The following EPHA4 variants were observed in gnomAD, a reference collection of about 807,000 sequenced individuals.
EPHA4 encodes the protein EPH receptor A4.
Under a neutral mutation model 108.3 loss-of-function variants are expected in EPHA4, and 19 were observed. That is an observed-to-expected ratio of 0.18 (90% CI 0.12 to 0.26). The LOEUF is 0.26. Ranked by LOEUF, EPHA4 falls within the 10% of genes least tolerant of loss-of-function variation. The pLI is 1.00. For synonymous variants in EPHA4, 449 were observed against 455.5 expected, an observed-to-expected ratio of 0.99 and a Z score of 0.18; for missense variants, 917 against 1,254.0, an observed-to-expected ratio of 0.73 and a Z score of 4.06.
chr2:221,436,921 A>G (rs1690259284), intron 12 of EPHA4, 140 bp downstream of exon 12: 2 of 718,822 alleles, frequency 2.8e-6, no homozygotes, highest in African/African-American at 1.8e-5. Flanking sequence ...TAAAAATCAC[A>G]TCATTCTCCA....
intron 5 of EPHA4, among the ~76,000 whole-genome samples, chr2:221,461,023 A>C (rs1217834965): frequency 1.3e-5 from 2 of 152,242 alleles, no homozygotes; most frequent in Admixed American, 1.3e-4. Context: ...CATTGCATGT[A>C]AATAAAACAA....
At chr2:221,483,865 G>A (rs1691903204) in intron 4 of EPHA4, among the ~76,000 whole-genome samples, 1 of 152,082 alleles carries the variant, frequency 6.6e-6, no homozygotes, top group African/African-American at 2.4e-5. Flanking sequence ...GAATCAGGCT[G>A]GGAGAAGGGA....
At chr2:221,556,661 T>C (rs1694312574) in intron 3 of EPHA4, among the ~76,000 whole-genome samples, 1 of 152,064 alleles carries the variant, frequency 6.6e-6, no homozygotes, top group African/African-American at 2.4e-5. Context: ...CAGATTCTTT[T>C]ACAGTAGTCT....
chr2:221,501,325 A>G, intron 3 of EPHA4, 153 bp from the exon 4 acceptor site: 1 of 597,518 alleles, frequency 1.7e-6, no homozygotes, highest in Non-Finnish European at 2.7e-6. Context: ...TGCAACCAAA[A>G]GCATTCATTG....
intron 5 of EPHA4, among the ~76,000 whole-genome samples, chr2:221,464,144 C>A (rs1387713006): frequency 6.6e-6 from 1 of 152,268 alleles, no homozygotes; most frequent in South Asian, 2.1e-4. Flanking sequence ...TTAACCACAG[C>A]AGGGTTACCT....
At chr2:221,558,308 G>C (rs1369112183) in intron 3 of EPHA4, among the ~76,000 whole-genome samples, 8 of 151,496 alleles carry the variant, frequency 5.3e-5, no homozygotes, top group Non-Finnish European at 1.0e-4. Context: ...GTGGATGTGG[G>C]TGTGTGTGTG....
intron 8 of EPHA4, among the ~76,000 whole-genome samples, chr2:221,452,825 C>T (rs3770176): frequency 0.17 from 26,598 of 152,004 alleles, 2,847 homozygotes; most frequent in Non-Finnish European, 0.25. Context: ...GCTATCAATC[C>T]TGCCTTATAT....
intron 11 of EPHA4, among the ~76,000 whole-genome samples, chr2:221,441,356 T>C (rs2106104318): frequency 6.6e-6 from 1 of 152,020 alleles, no homozygotes; most frequent in East Asian, 1.9e-4. Flanking sequence ...GGTGGTTCCC[T>C]GCAAAGGCCC....
At chr2:221,427,130 C>T (rs1689935553) in intron 15 of EPHA4, among the ~76,000 whole-genome samples, 1 of 152,218 alleles carries the variant, frequency 6.6e-6, no homozygotes. Context: ...GCCTAGTCTA[C>T]AGGCAGGCTT....
chr2:221,453,634 T>C (rs1690851613), intron 8 of EPHA4, among the ~76,000 whole-genome samples: 1 of 152,206 alleles, frequency 6.6e-6, no homozygotes, highest in South Asian at 2.1e-4. Context: ...CCAATGTCTA[T>C]ATGTTTTTGT....
chr2:221,467,724 AC>A (rs1307822089), intron 5 of EPHA4, among the ~76,000 whole-genome samples: 1 of 152,190 alleles, frequency 6.6e-6, no homozygotes, highest in East Asian at 1.9e-4. Context: ...CCTCAGGGGC[AC>A]CCAAGTGTCT....
intron 3 of EPHA4, among the ~76,000 whole-genome samples, chr2:221,558,087 G>A (rs922413890): frequency 2.0e-5 from 3 of 152,146 alleles, no homozygotes; most frequent in African/African-American, 2.4e-5. Context: ...CAATGAAGGA[G>A]AATTAAGAAA....
chr2:221,440,574 T>C (rs3770193), intron 11 of EPHA4, among the ~76,000 whole-genome samples: 38,266 of 151,118 alleles, frequency 0.25, 4,979 homozygotes, highest in African/African-American at 0.31. Context: ...CTTCACCTTA[T>C]GCGGAAAATT....
Position 221,497,086 on chromosome 2 carries a change from G to A in EPHA4, c.979+3931C>T, listed in dbSNP as rs1692321833. Among the ~76,000 whole-genome samples, 4 of 152,022 alleles carry A rather than the reference G, an allele frequency of 2.6e-5. No individual in the cohort carries two copies. The South Asian group carries it at 8.3e-4, about 32-fold the overall frequency. On this transcript the variant is annotated intron_variant, in intron 4 of 17. Transcript: ENST00000281821. ...ACGCAAGGGTAAAAAATCACTGATAGAGAGGCAGTGAGATAGCTGTCAACC... is the reference window on the plus strand; with the variant it reads ...ACGCAAGGGTAAAAAATCACTGATAAAGAGGCAGTGAGATAGCTGTCAACC...
At chr2:221,545,075 G>A (rs189197879) in intron 3 of EPHA4, among the ~76,000 whole-genome samples, 1 of 152,310 alleles carries the variant, frequency 6.6e-6, no homozygotes, top group East Asian at 1.9e-4. Context: ...TGACTGATAA[G>A]TCTCCCAAAG....
intron 5 of EPHA4, among the ~76,000 whole-genome samples, chr2:221,474,234 AC>A (rs955345368): frequency 6.6e-6 from 1 of 152,010 alleles, no homozygotes; most frequent in Non-Finnish European, 1.5e-5. Context: ...TGTGGCACCC[AC>A]CCCGAATACA....
At chr2:221,502,473 C>G (rs750925511) in intron 3 of EPHA4, 5 of 469,368 alleles carry the variant, frequency 1.1e-5, no homozygotes, top group Non-Finnish European at 2.2e-5. Context: ...CAGCCATTTT[C>G]CATCAGCCTG....
intron 8 of EPHA4, among the ~76,000 whole-genome samples, chr2:221,447,842 T>TTTATTTAA (rs961409385): frequency 4.0e-5 from 6 of 151,502 alleles, no homozygotes; most frequent in African/African-American, 1.5e-4. Context: ...TATTTATTTA[T>TTTATTTAA]TTAATTTATT....
chr2:221,457,210 C>A (rs893273341), intron 6 of EPHA4, among the ~76,000 whole-genome samples: 1 of 152,084 alleles, frequency 6.6e-6, no homozygotes, highest in African/African-American at 2.4e-5. Context: ...AATAAGGAAG[C>A]CAATAAGTGA....
Sources: allele counts gnomAD v4.1 joint callset (sites outside exome capture counted in the v4.1 genomes callset), GRCh38; gene constraint gnomAD v4.1.1; transcripts MANE v1.5; gene names NCBI Gene and HGNC (gene_info 2026-07-23, HGNC 2026-07-21).